Variants in ABL1 observed in about 807,000 individuals in gnomAD.
ABL1 encodes tyrosine-protein kinase ABL1.
A neutral mutation model predicts 94.7 loss-of-function variants in ABL1; 11 were observed. The ratio of observed to expected loss-of-function variants is 0.12; its 90% confidence interval spans 0.07 to 0.19. ABL1 has a LOEUF of 0.19. Ranked by LOEUF, ABL1 falls within the 10% of genes least tolerant of loss-of-function variation. ABL1 has a pLI of 1.00. For synonymous variants in ABL1, 656 were observed against 622.4 expected (o/e 1.05, Z -0.80); for missense variants, 1,082 against 1,489.4 (o/e 0.73, Z 4.50).
chr9:130,880,085 T>C lies in ABL1; in HGVS notation c.1441T>C (p.Ser481Pro). The change falls in exon 9 of 11, where the codon TCT becomes CCT. Residue 481 changes from serine to proline, a missense_variant. By Grantham distance (74) the Ser-to-Pro change is moderately conservative. Around this residue, in one of 7 missense-constraint regions of ABL1, gnomAD observed 76 missense variants for 177.1 expected, o/e 0.43. Coordinates refer to ENST00000318560, the MANE Select transcript of ABL1 (RefSeq NM_005157.6). The surrounding 1 kb of genome is among the most constrained non-coding windows in gnomAD (Gnocchi z 4.4). ...CTGTCCAGGTTGGCAGTGGAATCCC[T>C]CTGACCGGCCCTCCTTTGCTGAAAT... ...LMRACWQWNP[S>P]DRPSFAEIHQ... 1 of 1,614,226 alleles carries C rather than the reference T, an allele frequency of 6.2e-7. No individual in the cohort carries two copies.
In ABL1 at chr9:130,880,833, C is replaced by T. The variant is rs1831439740; in HGVS notation, c.1678+169C>T. Among the ~76,000 whole-genome samples the T allele has an allele frequency of 6.6e-6, 1 of 152,350 alleles. No individual in the cohort carries two copies. Among genetic ancestry groups the T allele is most frequent in the South Asian group, 2.1e-4 (1 of 4,830 alleles). On this transcript the variant is annotated intron_variant, in intron 10 of 10. Transcript: ENST00000318560. The surrounding 1 kb of genome is among the most constrained non-coding windows in gnomAD (Gnocchi z 4.4). The stretch of plus-strand genomic sequence containing the variant: ...AAGGAGGAAGGTTCTCCTCTCCCCA[C>T]CTGCCTCCTATCCCCTCCCTCTGAG...
chr9:130,861,714 G>C (rs1380637204), intron 3 of ABL1, among the ~76,000 whole-genome samples: 1 of 152,198 alleles, frequency 6.6e-6, no homozygotes, highest in East Asian at 1.9e-4. Flanking sequence ...GCCTAGTCAT[G>C]ATTTTAAGTC....
chr9:130,801,223 CCGG>C (rs754272059), intron 1 of ABL1, among the ~76,000 whole-genome samples: 56 of 151,998 alleles, frequency 3.7e-4, no homozygotes, highest in Middle Eastern at 3.4e-3. Context: ...GCCACAGTGC[CCGG>C]CCCTTTTTCC....
chr9:130,758,556 C>G (rs916941661), intron 1 of ABL1, among the ~76,000 whole-genome samples: 1 of 152,178 alleles, frequency 6.6e-6, no homozygotes, highest in Non-Finnish European at 1.5e-5. Flanking sequence ...CCTCAGCCTC[C>G]CAAGTAGCTG....
intron 1 of ABL1, among the ~76,000 whole-genome samples, chr9:130,736,613 TCCC>T (rs1489317055): frequency 6.6e-6 from 1 of 152,064 alleles, no homozygotes; most frequent in East Asian, 1.9e-4. Flanking sequence ...TGCCTCAGCC[TCCC>T]AAGTAGCTGG....
intron 1 of ABL1, among the ~76,000 whole-genome samples, chr9:130,851,698 C>T (rs868264199): frequency 9.9e-5 from 15 of 151,710 alleles, no homozygotes; most frequent in Admixed American, 1.3e-4. Context: ...ATTTTGTTAC[C>T]ATTTGTTTGG....
At chr9:130,713,873 AG>A (rs1478583048) in exon 1 of ABL1, 2 of 230,266 alleles carry the variant, frequency 8.7e-6, no homozygotes, top group Non-Finnish European at 1.7e-5. Context: ...GAAGAAGCTA[AG>A]ATAGGGGGTT....
intron 1 of ABL1, among the ~76,000 whole-genome samples, chr9:130,771,758 T>TC (rs1213701461): frequency 1.7e-4 from 24 of 143,800 alleles, no homozygotes; most frequent in South Asian, 2.2e-4. Flanking sequence ...CTTTCTTTTT[T>TC]TTTTTTTTTT....
At chr9:130,842,166 A>T (rs886878008) in intron 1 of ABL1, among the ~76,000 whole-genome samples, 2 of 152,194 alleles carry the variant, frequency 1.3e-5, no homozygotes, top group African/African-American at 4.8e-5. Context: ...CAGGAGACAG[A>T]TGATGGACAG....
intron 1 of ABL1, among the ~76,000 whole-genome samples, chr9:130,837,159 C>CCCA (rs1282633572): frequency 6.6e-6 from 1 of 152,160 alleles, no homozygotes; most frequent in Non-Finnish European, 1.5e-5. Context: ...GCTCACAGAG[C>CCCA]CTAGCATTTG....
upstream of ABL1, among the ~76,000 whole-genome samples, chr9:130,832,205 C>T (rs980221491): frequency 2.0e-5 from 3 of 149,614 alleles, no homozygotes; most frequent in Admixed American, 6.7e-5. Flanking sequence ...CTCACTGCAT[C>T]CTCCACCTCC....
chr9:130,785,396 C>T (rs1449673216), intron 1 of ABL1, among the ~76,000 whole-genome samples: 2 of 152,154 alleles, frequency 1.3e-5, no homozygotes, highest in Non-Finnish European at 2.9e-5. Context: ...CGCCCTCTGA[C>T]AAGCATGTTT....
chr9:130,864,519 A>G (rs996737676), intron 4 of ABL1, among the ~76,000 whole-genome samples: 3 of 152,200 alleles, frequency 2.0e-5, no homozygotes, highest in Non-Finnish European at 2.9e-5. Flanking sequence ...TGCTGGGATT[A>G]TAGGCATGAG....
chr9:130,854,665 A>G, intron 2 of ABL1, 136 bp from the exon 3 acceptor site: 1 of 929,328 alleles, frequency 1.1e-6, no homozygotes. Flanking sequence ...ATAAATGCAT[A>G]TCTTTATGTG....
In ABL1 at chr9:130,730,998, C is replaced by CTTTTT. The variant is rs11300328; in HGVS notation, c.136+16565_136+16569dup. Among the ~76,000 whole-genome samples the CTTTTT allele has an allele frequency of 4.5e-4, 29 of 64,464 alleles. 6 individuals carry two copies. The highest frequency in any genetic ancestry group is 6.6e-4 in the Non-Finnish European group (24 of 36,528). The allele number at this position is 64,464 out of a possible 152,430, so 42.3% of individuals were successfully genotyped here. On this transcript the variant is annotated intron_variant, in intron 1 of 10. Coordinates refer to the ABL1 transcript ENST00000372348. ...CATTGTGCGTTTTCACTCTATCTCT[C>CTTTTT]TTTTTTTTTTTTTTTTTTTTTTTTT...
At chr9:130,792,982 A>G (rs1283258750) in intron 1 of ABL1, among the ~76,000 whole-genome samples, 1 of 152,180 alleles carries the variant, frequency 6.6e-6, no homozygotes, top group Admixed American at 6.5e-5. Context: ...CTGGAGTGCA[A>G]TGGCACGATC....
At chr9:130,779,531 A>G (rs773016047) in intron 1 of ABL1, among the ~76,000 whole-genome samples, 3 of 152,098 alleles carry the variant, frequency 2.0e-5, no homozygotes, top group Non-Finnish European at 4.4e-5. Flanking sequence ...TTATTCCCCA[A>G]CGCTAAAGAC....
chr9:130,769,329 C>CTTTTTTTTTTTTTTTTTTTTTTTTTT (rs372838676), intron 1 of ABL1, among the ~76,000 whole-genome samples: 15 of 84,320 alleles, frequency 1.8e-4, no homozygotes, highest in Admixed American at 4.4e-4. Context: ...TGGCCCTAGT[C>CTTTTTTTTTTTTTTTTTTTTTTTTTT]TTTTTTTTTT....
In ABL1 at chr9:130,758,825, G is replaced by A. The variant is rs1271800678; in HGVS notation, c.136+44370G>A. Reference sequence around the variant, plus strand: ...TGGGCCCTTCCTGTTGACCAGTGCCGGCTGCAGGCATTGCAGTTTTCGGTG... The same window carrying A: ...TGGGCCCTTCCTGTTGACCAGTGCCAGCTGCAGGCATTGCAGTTTTCGGTG... On this transcript the variant is annotated intron_variant, in intron 1 of 10. Coordinates refer to the ABL1 transcript ENST00000372348. Among the ~76,000 whole-genome samples the A allele has an allele frequency of 2.6e-5, 4 of 152,164 alleles. No individual in the cohort carries two copies. The East Asian group carries it at 7.7e-4, about 29-fold the overall frequency.
Sources: allele counts gnomAD v4.1 joint callset (sites outside exome capture counted in the v4.1 genomes callset), GRCh38; gene constraint gnomAD v4.1.1; regional missense constraint gnomAD v4.1.1; non-coding constraint Gnocchi (gnomAD v3.1); transcripts MANE v1.5; gene names NCBI Gene and HGNC (gene_info 2026-07-23, HGNC 2026-07-21).